Variants in NOX1 observed in about 807,000 individuals in gnomAD.
NOX1 encodes the protein NADH/NADPH mitogenic oxidase subunit P65-MOX.
NOX1 carries 34 observed loss-of-function variants against 42.5 expected under a neutral mutation model. The observed-to-expected ratio is 0.80, with a 90% confidence interval of 0.61 to 1.07. NOX1 has a LOEUF of 1.07. Among genes scored for constraint, NOX1 ranks in the 50% least tolerant of loss-of-function variants. The probability of loss-of-function intolerance (pLI) is 0.00; values close to 1 mark genes in which losing one functional copy is unlikely to be tolerated. For missense variants in NOX1, 408 were observed against 427.0 expected, an observed-to-expected ratio of 0.96 and a Z score of 0.39; for synonymous variants, 143 against 152.5, an observed-to-expected ratio of 0.94 and a Z score of 0.46.
chrX:100,849,231 A>T (rs764526105), intron 11 of NOX1, 49 bp downstream of exon 11: 4 of 1,172,462 alleles, frequency 3.4e-6, no homozygotes, highest in Admixed American at 2.2e-5. Context: ...CCTTTGTCTG[A>T]CATTCGTCTT....
rs1358953882 is a variant in NOX1, at chrX:100,843,499, CATTA to C, written c.*449_*452del. On this transcript the variant is annotated 3_prime_UTR_variant, in exon 13 of 13. Transcript: ENST00000372966. ...ATTTATGTTTATTATTATGTTTTATCATTAATTATTCAATAAATTTTTATTTAAA... is the reference window on the plus strand; with the variant it reads ...ATTTATGTTTATTATTATGTTTTATCATTATTCAATAAATTTTTATTTAAA... 26 of 1,041,499 alleles carry C rather than the reference CATTA, an allele frequency of 2.5e-5. No homozygotes were observed. The highest frequency in any genetic ancestry group is 3.7e-4 in the Middle Eastern group (1 of 2,678). The allele number at this position is 1,041,499 out of a possible 1,213,427, so 85.8% of individuals were successfully genotyped here. A position where few individuals can be genotyped will look rare whatever the true frequency, so the allele number is the denominator to read the frequency against.
chrX:100,870,902 C>A, intron 1 of NOX1, 88 bp from the exon 2 acceptor site: 1 of 579,845 alleles, frequency 1.7e-6, no homozygotes, highest in South Asian at 2.9e-5. Flanking sequence ...GCAATAGTGT[C>A]GCCGTTTTGG....
At chrX:100,850,453 A>G (rs2085107208) in intron 8 of NOX1, 67 bp from the exon 9 acceptor site, 5 of 705,473 alleles carry the variant, frequency 7.1e-6, no homozygotes, top group Non-Finnish European at 1.1e-5. Flanking sequence ...CAGATAAAGC[A>G]AATGAGTGAA....
chrX:100,854,107 C>T (rs770961932), intron 7 of NOX1, among the ~76,000 whole-genome samples: 1 of 111,041 alleles, frequency 9.0e-6, no homozygotes, highest in South Asian at 3.9e-4. Flanking sequence ...CACACCACTG[C>T]ACTCTAGCCT....
chrX:100,860,990 C>A (rs1267112162), intron 7 of NOX1, among the ~76,000 whole-genome samples: 1 of 111,550 alleles, frequency 9.0e-6, no homozygotes, highest in African/African-American at 3.3e-5. Flanking sequence ...CCACCCACCT[C>A]AGCCTCCCAA....
At chrX:100,862,108 TAATAAG>T in intron 7 of NOX1, 57 bp downstream of exon 7, 3 of 1,077,229 alleles carry the variant, frequency 2.8e-6, no homozygotes, top group Middle Eastern at 3.1e-4. Context: ...ATAAGAGTAA[TAATAAG>T]AATAATAACA....
In NOX1 at chrX:100,849,906, C is replaced by T. The variant is rs780283123; in HGVS notation, c.1162G>A (p.Ala388Thr). Reference sequence around the variant, plus strand: ...TCATACTGGAAAACATCCTCACTGGCTGTGCCAAAGGGACCATCCACTTCA... The same window carrying T: ...TCATACTGGAAAACATCCTCACTGGTTGTGCCAAAGGGACCATCCACTTCA... Reference protein sequence around the residue: ...RIEVDGPFGTASEDVFQYEVA... With the variant: ...RIEVDGPFGTTSEDVFQYEVA... The change falls in exon 10 of 13, where the codon GCC (alanine) becomes ACC (threonine). Residue 388 changes from alanine (A) to threonine (T), a missense_variant. Ala to Thr is a moderately conservative substitution (Grantham distance 58). Coordinates refer to ENST00000372966, the MANE Select transcript of NOX1 (RefSeq NM_007052.5). The T allele has an allele frequency of 6.1e-5, 74 of 1,204,522 alleles. No individual in the cohort carries two copies. The highest frequency in any genetic ancestry group is 8.2e-5 in the Non-Finnish European group (73 of 892,835).
chrX:100,849,182 G>A, intron 11 of NOX1, 98 bp downstream of exon 11: 1 of 934,915 alleles, frequency 1.1e-6, no homozygotes, highest in East Asian at 3.2e-5. Flanking sequence ...AGGGCAGGTA[G>A]GAAATCATAA....
intron 7 of NOX1, among the ~76,000 whole-genome samples, chrX:100,854,610 C>T (rs1301668016): frequency 9.0e-6 from 1 of 111,667 alleles, no homozygotes; most frequent in East Asian, 2.8e-4. Context: ...TTATTGATTA[C>T]ACATGATAAT....
chrX:100,846,926 T>TA (rs2085076847), intron 12 of NOX1, among the ~76,000 whole-genome samples: 56 of 208 alleles, frequency 0.27, no homozygotes, highest in Admixed American at 0.59. Context: ...TGGTGGCTCA[T>TA]GCTGTAATCC....
chrX:100,858,495 G>T (rs903381759), intron 7 of NOX1, among the ~76,000 whole-genome samples: 3 of 111,448 alleles, frequency 2.7e-5, no homozygotes, highest in African/African-American at 9.8e-5. Context: ...GGTAGGAATA[G>T]TGTTGAATCT....
Position 100,863,237 on chromosome X carries a change from T to C in NOX1, c.259A>G (p.Ser87Gly). ...SFLRGTCSFC[S>G]RTLRKQLDHN... is the part of the protein sequence containing the mutation. ...TCCAATTGCTTTCTCAGTGTGCGGC[T>C]GCAAAACTACAAATGTAGAATGATC... Residue 87 changes from serine to glycine, a missense_variant, in exon 4 of 13, where the codon AGC (serine) becomes GGC (glycine). Physicochemically the swap from Ser to Gly is moderately conservative, Grantham distance 56. Transcript: ENST00000372966. 1 of 1,195,269 alleles carries C rather than the reference T, an allele frequency of 8.4e-7. No individual in the cohort carries two copies. Among genetic ancestry groups the C allele is most frequent in the East Asian group, 3.0e-5 (1 of 33,776 alleles).
At chrX:100,853,434 T>TCTTCCTTCCTTCCTTCCTTGCTTTCTTCC (rs1569445834) in intron 7 of NOX1, among the ~76,000 whole-genome samples, 2 of 101,770 alleles carry the variant, frequency 2.0e-5, no homozygotes, top group Admixed American at 1.1e-4. Context: ...TTTTTTTTTT[T>TCTTCCTTCCTTCCTTCCTTGCTTTCTTCC]TGACAGAGTC....
intron 8 of NOX1, 144 bp downstream of exon 8, chrX:100,851,089 C>T: frequency 2.6e-6 from 1 of 385,850 alleles, no homozygotes; most frequent in Non-Finnish European, 4.5e-6. Flanking sequence ...ATCTGCCCTC[C>T]TTGGCCTCCC....
At chrX:100,847,876 CTGA>C (rs2085084855) in intron 12 of NOX1, among the ~76,000 whole-genome samples, 2 of 110,365 alleles carry the variant, frequency 1.8e-5, no homozygotes, top group Admixed American at 1.9e-4. Context: ...ATTGGAATGG[CTGA>C]TTTCATAGCA....
intron 7 of NOX1, among the ~76,000 whole-genome samples, chrX:100,859,612 G>A (rs2085189690): frequency 9.1e-6 from 1 of 110,225 alleles, no homozygotes; most frequent in Non-Finnish European, 1.9e-5. Flanking sequence ...ATTCAGTTTT[G>A]GAACTCAATA....
chrX:100,853,298 C>CTTTCTT (rs2085135204), intron 7 of NOX1, among the ~76,000 whole-genome samples: 1 of 66,763 alleles, frequency 1.5e-5, no homozygotes, highest in Admixed American at 1.7e-4. Flanking sequence ...TTCTTTCTTT[C>CTTTCTT]TTTCTTTCTT....
At chrX:100,847,766 CAA>C (rs11404159) in intron 12 of NOX1, among the ~76,000 whole-genome samples, 3 of 60,714 alleles carry the variant, frequency 4.9e-5, no homozygotes, top group Non-Finnish European at 2.9e-5. Context: ...AACTCCATCT[CAA>C]AAAAAAAAAA....
chrX:100,849,629 A>T (rs1032920910), intron 10 of NOX1, 143 bp downstream of exon 10: 1 of 661,529 alleles, frequency 1.5e-6, no homozygotes, highest in African/African-American at 2.2e-5. Context: ...GTAGAAGTGG[A>T]TGTCCTGGCC....
Sources: allele counts gnomAD v4.1 joint callset (sites outside exome capture counted in the v4.1 genomes callset), GRCh38; gene constraint gnomAD v4.1.1; transcripts MANE v1.5; gene names NCBI Gene and HGNC (gene_info 2026-07-23, HGNC 2026-07-21).